Variants in ABLIM1 observed in about 807,000 individuals in gnomAD.
The protein encoded by ABLIM1 is actin-binding LIM protein 1.
Under a neutral mutation model 107.0 loss-of-function variants are expected in ABLIM1, and 40 were observed. The observed-to-expected ratio is 0.37, with a 90% CI of 0.29 to 0.49. The LOEUF is 0.49. Ranked by LOEUF, ABLIM1 falls within the 20% of genes least tolerant of loss-of-function variation. The pLI is 0.97. For synonymous variants in ABLIM1, 357 were observed against 357.3 expected (o/e 1.00, Z 0.01); for missense variants, 857 against 1,008.5 (o/e 0.85, Z 2.04).
At position 114,491,012 on chromosome 10, in the gene ABLIM1, G is replaced by GTGTGTGTGTGTGTATATATATATATATA; in HGVS notation, c.982+778_982+779insTATATATATATATATACACACACACACA. Among the ~76,000 whole-genome samples the GTGTGTGTGTGTGTATATATATATATATA allele has an allele frequency of 3.1e-3, 282 of 92,284 alleles. 1 individual carries two copies. Among genetic ancestry groups the GTGTGTGTGTGTGTATATATATATATATA allele is most frequent in the East Asian group, 9.7e-3 (19 of 1,966 alleles). 60.5% of individuals were successfully genotyped at this position (92,284 alleles called of 152,430 possible). ...TGTGTGTGTGTGTGTGTGTGTGTGTGTATATATATATATGGTCTATTTTAT... is the reference window on the plus strand; with the variant it reads ...TGTGTGTGTGTGTGTGTGTGTGTGTGTGTGTGTGTGTGTATATATATATATATATATATATATATATGGTCTATTTTAT... On this transcript the variant is annotated intron_variant, in intron 7 of 22. Coordinates refer to ENST00000533213, the MANE Select transcript of ABLIM1 (RefSeq NM_002313.7).
intron 3 of ABLIM1, among the ~76,000 whole-genome samples, chr10:114,574,449 A>ATTTTT (rs796802241): frequency 2.3e-4 from 35 of 150,566 alleles, no homozygotes; most frequent in Non-Finnish European, 4.6e-4. Context: ...ATTTTATTTT[A>ATTTTT]TTTTTTTTGA....
chr10:114,758,702 T>C (rs1343498641), intron 1 of ABLIM1, among the ~76,000 whole-genome samples: 1 of 152,196 alleles, frequency 6.6e-6, no homozygotes, highest in Non-Finnish European at 1.5e-5. Flanking sequence ...GGCTTCCCTG[T>C]GGTGGATGTT....
intron 2 of ABLIM1, among the ~76,000 whole-genome samples, chr10:114,600,618 G>GT (rs1214822334): frequency 6.6e-6 from 1 of 152,068 alleles, no homozygotes; most frequent in Non-Finnish European, 1.5e-5. Context: ...TCTTTGTGAC[G>GT]TATGACACTC....
At chr10:114,524,738 G>C (rs557739592) in intron 6 of ABLIM1, among the ~76,000 whole-genome samples, 8 of 152,290 alleles carry the variant, frequency 5.3e-5, no homozygotes, top group African/African-American at 1.9e-4. Context: ...AAAGAAGTTT[G>C]ACTACTATAC....
intron 9 of ABLIM1, among the ~76,000 whole-genome samples, chr10:114,473,570 A>G (rs144216102): frequency 0.014 from 2,060 of 150,758 alleles, 27 homozygotes; most frequent in South Asian, 0.023. Context: ...ATCCCCAAAT[A>G]TCTATATGCA....
intron 1 of ABLIM1, among the ~76,000 whole-genome samples, chr10:114,732,834 T>C (rs808342): frequency 0.75 from 114,238 of 152,160 alleles, 43,337 homozygotes; most frequent in African/African-American, 0.85. Flanking sequence ...GAAATATCTA[T>C]GACAAATAAT....
chr10:114,444,135 C>T lies in ABLIM1; in HGVS notation c.1828-1G>A. On this transcript the variant is annotated splice_acceptor_variant, in intron 16 of 22. Transcript: ENST00000533213. LOFTEE classifies it high-confidence loss of function. ...TCAACTGTCCCAGGCCTGAGTTAAG[C>T]TATTCACAGAAAAAAGGAAAAAAAA... 6.6e-7 allele frequency: 1 copy of T among 1,514,672 alleles called. No individual in the cohort carries two copies. Among genetic ancestry groups the T allele is most frequent in the Non-Finnish European group, 8.9e-7 (1 of 1,124,680 alleles). 93.8% of individuals were successfully genotyped at this position (1,514,672 alleles called of 1,614,324 possible).
At chr10:114,719,203 T>A (rs1284851183) in intron 1 of ABLIM1, among the ~76,000 whole-genome samples, 1 of 152,198 alleles carries the variant, frequency 6.6e-6, no homozygotes, top group Non-Finnish European at 1.5e-5. Context: ...TATAGTTTCA[T>A]AAGAGTCTGA....
At chr10:114,543,772 G>A (rs148912753) in intron 6 of ABLIM1, among the ~76,000 whole-genome samples, 98 of 152,236 alleles carry the variant, frequency 6.4e-4, no homozygotes, top group Middle Eastern at 6.8e-3. Context: ...CTGTCACATC[G>A]GTGCCCAACT....
chr10:114,484,860 C>T (rs948840532), intron 8 of ABLIM1, among the ~76,000 whole-genome samples: 1 of 152,218 alleles, frequency 6.6e-6, no homozygotes, highest in Non-Finnish European at 1.5e-5. Context: ...ACCCTGGAAA[C>T]CTTTTCCTCA....
chr10:114,637,873 G>T (rs1437732527), intron 1 of ABLIM1, among the ~76,000 whole-genome samples: 1 of 152,174 alleles, frequency 6.6e-6, no homozygotes, highest in African/African-American at 2.4e-5. Context: ...TTTAAAAACA[G>T]TTTACTACCA....
chr10:114,675,213 A>T (rs2080428835), intron 1 of ABLIM1, among the ~76,000 whole-genome samples: 1 of 152,102 alleles, frequency 6.6e-6, no homozygotes, highest in Non-Finnish European at 1.5e-5. Flanking sequence ...TGAAGCCTAC[A>T]TTACAATAAG....
upstream of ABLIM1, among the ~76,000 whole-genome samples, chr10:114,658,598 T>C (rs11196842): frequency 0.082 from 12,427 of 152,258 alleles, 988 homozygotes; most frequent in East Asian, 0.44. Flanking sequence ...ACATATTTTA[T>C]ATAATCTAAA....
intron 1 of ABLIM1, among the ~76,000 whole-genome samples, chr10:114,752,654 T>G (rs1016823945): frequency 9.9e-5 from 15 of 152,222 alleles, no homozygotes; most frequent in African/African-American, 3.6e-4. Flanking sequence ...TGTGTTCTCA[T>G]TGTTCAGCTC....
At chr10:114,746,796 C>T (rs2082395045) in intron 1 of ABLIM1, among the ~76,000 whole-genome samples, 2 of 152,150 alleles carry the variant, frequency 1.3e-5, no homozygotes, top group Non-Finnish European at 2.9e-5. Context: ...TCTGCATCTC[C>T]CTAATGAGTA....
intron 1 of ABLIM1, among the ~76,000 whole-genome samples, chr10:114,691,710 A>G (rs2081082459): frequency 6.6e-6 from 1 of 152,234 alleles, no homozygotes; most frequent in Non-Finnish European, 1.5e-5. Flanking sequence ...GCATTGGGTT[A>G]AATCATAATG....
chr10:114,539,360 A>ACAG (rs1398817078), intron 6 of ABLIM1, among the ~76,000 whole-genome samples: 2 of 152,042 alleles, frequency 1.3e-5, no homozygotes, highest in Non-Finnish European at 2.9e-5. Flanking sequence ...TCTGTCTCAA[A>ACAG]CAACAACAAC....
intron 1 of ABLIM1, among the ~76,000 whole-genome samples, chr10:114,645,113 G>A (rs2078956628): frequency 6.6e-6 from 1 of 152,194 alleles, no homozygotes; most frequent in Non-Finnish European, 1.5e-5. Context: ...GGGATCATTT[G>A]CAATGGAATC....
At chr10:114,484,070 G>A (rs1426045575) in intron 8 of ABLIM1, among the ~76,000 whole-genome samples, 2 of 152,188 alleles carry the variant, frequency 1.3e-5, no homozygotes, top group Non-Finnish European at 2.9e-5. Flanking sequence ...GCCTTAGCCA[G>A]TATTTAATGT....
Sources: gnomAD v4.1 joint callset for allele counts (sites outside exome capture counted in the v4.1 genomes callset) on GRCh38, gnomAD v4.1.1 for gene constraint, MANE v1.5 for transcripts, NCBI Gene and HGNC (gene_info 2026-07-23, HGNC 2026-07-21) for gene names.